The following ADRA1A variants were observed in gnomAD, a reference collection of about 807,000 sequenced individuals.
The protein encoded by ADRA1A is alpha-1A adrenergic receptor.
In ADRA1A, 31 loss-of-function variants were observed where a neutral mutation model predicts 29.6. The observed-to-expected ratio is 1.05, with a 90% CI of 0.79 to 1.41. The LOEUF (loss-of-function observed/expected upper bound fraction) is 1.41, where lower values mean the gene tolerates loss of function less well. ADRA1A is among the 40% of genes most tolerant of loss of function. The pLI is 0.00. For missense variants in ADRA1A, 619 were observed against 601.1 expected, an observed-to-expected ratio of 1.03 and a Z score of -0.31; for synonymous variants, 311 against 254.3, an observed-to-expected ratio of 1.22 and a Z score of -2.12.
chr8:26,763,367 C>T (rs1805614809), downstream of ADRA1A, among the ~76,000 whole-genome samples: 1 of 152,162 alleles, frequency 6.6e-6, no homozygotes, highest in South Asian at 2.1e-4. The surrounding 1 kb of genome is among the most constrained non-coding windows in gnomAD (Gnocchi z 4.5). Context: ...TTTATTGTTG[C>T]TACTCTTAGG....
At position 26,806,077 on chromosome 8, in the gene ADRA1A, G is replaced by A. The variant is rs929584788; in HGVS notation, c.884-35411C>T. Among the ~76,000 whole-genome samples, 1 of 152,136 alleles carries A rather than the reference G, an allele frequency of 6.6e-6. No homozygotes were observed. Among genetic ancestry groups the A allele is most frequent in the Non-Finnish European group, 1.5e-5 (1 of 68,022 alleles). On this transcript the variant is annotated intron_variant, in intron 2 of 2. Transcript: ENST00000380573. The surrounding 1 kb of genome is among the most constrained non-coding windows in gnomAD (Gnocchi z 4.6). ...TGCTCTTCCTATTTTATCCTTCCAG[G>A]CATGTGGCAGCTTTACCTAATGACC...
At chr8:26,844,181 AAT>A (rs1812037963) in intron 2 of ADRA1A, among the ~76,000 whole-genome samples, 1 of 152,188 alleles carries the variant, frequency 6.6e-6, no homozygotes, top group Non-Finnish European at 1.5e-5. Flanking sequence ...CAAACACAGA[AAT>A]ATTTCTGCAA....
rs1181093501 is a variant in ADRA1A, at chr8:26,831,489, C to A, written c.883+32598G>T. 1.3e-5 allele frequency among the ~76,000 whole-genome samples: 2 copies of A among 152,150 alleles called. No homozygotes were observed. Among genetic ancestry groups the A allele is most frequent in the African/African-American group, 2.4e-5 (1 of 41,426 alleles). ...GCCCAGTACCAACCCCCTGCCCACA[C>A]CCCACCACTGATCATGGCCAGTTTG... On this transcript the variant is annotated intron_variant, in intron 2 of 2. Coordinates refer to ENST00000380573, the MANE Select transcript of ADRA1A (RefSeq NM_000680.4). This position sits in a 1 kb window ranked among gnomAD's most constrained non-coding sequence, Gnocchi z 5.2.
intron 2 of ADRA1A, among the ~76,000 whole-genome samples, chr8:26,855,178 A>G (rs1266363546): frequency 1.3e-5 from 2 of 151,762 alleles, no homozygotes; most frequent in East Asian, 3.9e-4. Context: ...TTGGATTTGA[A>G]TGAGTTTATT....
chr8:26,779,140 A>C, intron 2 of ADRA1A: 1 of 590,970 alleles, frequency 1.7e-6, no homozygotes, highest in East Asian at 2.8e-5. Flanking sequence ...CAGAGCACAG[A>C]TGATATGCTT....
intron 2 of ADRA1A, among the ~76,000 whole-genome samples, chr8:26,760,081 G>A (rs930351260): frequency 1.3e-5 from 2 of 152,190 alleles, no homozygotes; most frequent in African/African-American, 4.8e-5. Context: ...CACAACAGTA[G>A]GTACTATGCA....
At chr8:26,816,114 G>A (rs1809738997) in intron 2 of ADRA1A, among the ~76,000 whole-genome samples, 1 of 152,172 alleles carries the variant, frequency 6.6e-6, no homozygotes, top group Non-Finnish European at 1.5e-5. Flanking sequence ...AGGCCTGAGG[G>A]CGTGGGGAGG....
intron 2 of ADRA1A, among the ~76,000 whole-genome samples, chr8:26,798,982 A>G (rs968340121): frequency 6.6e-6 from 1 of 152,174 alleles, no homozygotes; most frequent in South Asian, 2.1e-4. Flanking sequence ...TTGATTTCCA[A>G]CAATCCCTTA....
chr8:26,799,815 A>G (rs1808439094), intron 2 of ADRA1A, among the ~76,000 whole-genome samples: 1 of 152,228 alleles, frequency 6.6e-6, no homozygotes, highest in African/African-American at 2.4e-5. Context: ...AAATTTCTTG[A>G]GGTACACAAA....
intron 2 of ADRA1A, among the ~76,000 whole-genome samples, chr8:26,809,311 G>GA (rs1809218476): frequency 6.6e-6 from 1 of 152,116 alleles, no homozygotes; most frequent in Admixed American, 6.5e-5. Flanking sequence ...TTCAGGTACT[G>GA]AAAAGCCAAC....
In ADRA1A at chr8:26,787,910, AT is replaced by A. The variant is rs5890324; in HGVS notation, c.884-17245del. ...CTCAGTCATTAGTGCTATCTTGTCTATTTTTTTTTTTTTAACATTTGGGGAT... is the reference window on the plus strand; with the variant it reads ...CTCAGTCATTAGTGCTATCTTGTCTATTTTTTTTTTTTAACATTTGGGGAT... On this transcript the variant is annotated intron_variant, in intron 2 of 2. Transcript: ENST00000380573. This position sits in a 1 kb window ranked among gnomAD's most constrained non-coding sequence, Gnocchi z 4.2. Among the ~76,000 whole-genome samples, 79,331 of 146,904 alleles carry A rather than the reference AT, an allele frequency of 0.54. 21,708 individuals are homozygous for A. The highest frequency in any genetic ancestry group is 0.88 in the East Asian group (4,437 of 5,030).
rs1483125810 is a variant in ADRA1A, at chr8:26,770,030, TC to T, written c.*118del. ...GAGTTGGGTCTACCACCCACCCCAT[TC>T]CCAGCAGGTCCCCTCTTTGATTGGT... On this transcript the variant is annotated 3_prime_UTR_variant, in exon 3 of 3. Transcript: ENST00000380573. The T allele has an allele frequency of 2.7e-6, 4 of 1,478,534 alleles. No individual in the cohort carries two copies. The highest frequency in any genetic ancestry group is 3.6e-6 in the Non-Finnish European group (4 of 1,117,876). 91.6% of individuals were successfully genotyped at this position (1,478,534 alleles called of 1,614,324 possible).
chr8:26,866,772 C>T lies in ADRA1A; in HGVS notation c.-687+164G>A, dbSNP rs1019606711. On this transcript the variant is annotated intron_variant, in intron 1 of 2. Coordinates refer to ENST00000380573, the MANE Select transcript of ADRA1A (RefSeq NM_000680.4). The surrounding 1 kb of genome is among the most constrained non-coding windows in gnomAD (Gnocchi z 5.7). ...ACTTGTTCAGTAGAAGGCAACTTCG[C>T]AGAAGATGTAAGGGAATCGGGGGTG... Among the ~76,000 whole-genome samples the T allele has an allele frequency of 2.0e-5, 3 of 152,068 alleles. No individual in the cohort carries two copies. Among genetic ancestry groups the T allele is most frequent in the Non-Finnish European group, 2.9e-5 (2 of 68,038 alleles).
At position 26,821,837 on chromosome 8, in the gene ADRA1A, TAG is replaced by T. The variant is rs1371952969; in HGVS notation, c.883+42248_883+42249del. The stretch of plus-strand genomic sequence containing the variant: ...TGTCATTTCAAGAATGTTATGTAAA[TAG>T]AGTCATACAGTATGCAATCATTTTG... On this transcript the variant is annotated intron_variant, in intron 2 of 2. Coordinates refer to ENST00000380573, the MANE Select transcript of ADRA1A (RefSeq NM_000680.4). This position sits in a 1 kb window ranked among gnomAD's most constrained non-coding sequence, Gnocchi z 5.6. Among the ~76,000 whole-genome samples, 6 of 152,356 alleles carry T rather than the reference TAG, an allele frequency of 3.9e-5. No individual in the cohort carries two copies. Among genetic ancestry groups the T allele is most frequent in the African/African-American group, 1.2e-4 (5 of 41,574 alleles).
rs1436763586 is a variant in ADRA1A at position 26,848,919 on chromosome 8, G to A, written c.883+15168C>T. 2.2e-4 allele frequency among the ~76,000 whole-genome samples: 34 copies of A among 152,136 alleles called. No homozygotes were observed. The highest frequency in any genetic ancestry group is 2.2e-3 in the Admixed American group (34 of 15,272). Reference sequence around the variant, plus strand: ...ACCACAAACTTCTGAAGGACTGAAGGAGAGAATCGCACTGCGGGTGACCCA... The same window carrying A: ...ACCACAAACTTCTGAAGGACTGAAGAAGAGAATCGCACTGCGGGTGACCCA... On this transcript the variant is annotated intron_variant, in intron 2 of 2. Coordinates refer to ENST00000380573, the MANE Select transcript of ADRA1A (RefSeq NM_000680.4). This position sits in a 1 kb window ranked among gnomAD's most constrained non-coding sequence, Gnocchi z 4.3.
In ADRA1A at chr8:26,848,969, C is replaced by T. The variant is rs561393857; in HGVS notation, c.883+15118G>A. 6.6e-6 allele frequency among the ~76,000 whole-genome samples: 1 copy of T among 152,270 alleles called. No homozygotes were observed. The highest frequency in any genetic ancestry group is 1.5e-5 in the Non-Finnish European group (1 of 68,026). ...ACTTCTGCTTCACACTCTGATATCCCCATGAAAAGGAGCCTGCACACAGGC... is the reference window on the plus strand; with the variant it reads ...ACTTCTGCTTCACACTCTGATATCCTCATGAAAAGGAGCCTGCACACAGGC... On this transcript the variant is annotated intron_variant, in intron 2 of 2. Coordinates refer to ENST00000380573, the MANE Select transcript of ADRA1A (RefSeq NM_000680.4). The surrounding 1 kb of genome is among the most constrained non-coding windows in gnomAD (Gnocchi z 4.3).
At chr8:26,811,973 G>A (rs1006680364) in intron 2 of ADRA1A, among the ~76,000 whole-genome samples, 3 of 152,156 alleles carry the variant, frequency 2.0e-5, no homozygotes, top group Admixed American at 6.5e-5. Context: ...CAGGTGATGG[G>A]CACTGGAATA....
chr8:26,846,233 G>A (rs523816), intron 2 of ADRA1A, among the ~76,000 whole-genome samples: 1 of 151,820 alleles, frequency 6.6e-6, no homozygotes, highest in Non-Finnish European at 1.5e-5. Flanking sequence ...GTAAACAAAA[G>A]CTGAACAATA....
intron 2 of ADRA1A, chr8:26,853,628 G>A (rs557850634): frequency 6.6e-6 from 1 of 152,246 alleles, no homozygotes; most frequent in Non-Finnish European, 1.5e-5. Flanking sequence ...GGAAATGATG[G>A]ATTATTTGAT....
Sources: allele counts gnomAD v4.1 joint callset (sites outside exome capture counted in the v4.1 genomes callset), GRCh38; gene constraint gnomAD v4.1.1; non-coding constraint Gnocchi (gnomAD v3.1); transcripts MANE v1.5; gene names NCBI Gene and HGNC (gene_info 2026-07-23, HGNC 2026-07-21).